The following TRPM3 variants were observed in gnomAD, a reference collection of about 807,000 sequenced individuals.
TRPM3 encodes long transient receptor potential channel 3.
Under a neutral mutation model 181.2 loss-of-function variants are expected in TRPM3, and 77 were observed. That is an observed-to-expected ratio of 0.42 (90% CI 0.35 to 0.51). The LOEUF is 0.51. TRPM3 is among the 20% of genes least tolerant of loss of function. The pLI is 0.01. For synonymous variants in TRPM3, 745 were observed against 796.4 expected (o/e 0.94, Z 1.09); for missense variants, 1,759 against 2,196.7 (o/e 0.80, Z 3.98).
intron 1 of TRPM3, among the ~76,000 whole-genome samples, chr9:70,867,803 C>T (rs1359210041): frequency 6.6e-6 from 1 of 152,012 alleles, no homozygotes; most frequent in Admixed American, 6.6e-5. Context: ...GTGTGAACAT[C>T]ATATATTAGA....
At chr9:71,086,916 G>C (rs1213931762) in intron 1 of TRPM3, among the ~76,000 whole-genome samples, 1 of 151,994 alleles carries the variant, frequency 6.6e-6, no homozygotes, top group Admixed American at 6.6e-5. Flanking sequence ...CACTTCACAT[G>C]CCTTTCTCTA....
intron 1 of TRPM3, among the ~76,000 whole-genome samples, chr9:71,261,026 T>C (rs1170159379): frequency 6.6e-6 from 1 of 152,198 alleles, no homozygotes; most frequent in African/African-American, 2.4e-5. Context: ...GTTCTCTGTA[T>C]TTCCAGAATT....
At chr9:70,909,777 G>T (rs572969163) in intron 1 of TRPM3, among the ~76,000 whole-genome samples, 6 of 152,232 alleles carry the variant, frequency 3.9e-5, no homozygotes, top group African/African-American at 1.2e-4. Context: ...AATTATTTAG[G>T]TCAGTGCAAA....
chr9:71,049,469 A>G (rs2059824039), intron 1 of TRPM3, among the ~76,000 whole-genome samples: 1 of 152,196 alleles, frequency 6.6e-6, no homozygotes. Context: ...CACATTATCC[A>G]TATCTGAAGT....
intron 22 of TRPM3, among the ~76,000 whole-genome samples, chr9:70,582,394 ACTCT>A (rs1009998446): frequency 6.6e-6 from 1 of 152,072 alleles, no homozygotes; most frequent in Non-Finnish European, 1.5e-5. Flanking sequence ...TAACAACATC[ACTCT>A]CTATCCTCTG....
chr9:70,966,021 AAAAC>A (rs199858236), intron 1 of TRPM3, among the ~76,000 whole-genome samples: 3,064 of 151,618 alleles, frequency 0.02, 105 homozygotes, highest in African/African-American at 0.07. Context: ...AGCATCTAAA[AAAAC>A]AAACAAATTT....
Position 70,921,918 on chromosome 9 carries a change from T to TACACACAC in TRPM3, c.178-57415_178-57408dup, listed in dbSNP as rs10651774. On this transcript the variant is annotated intron_variant, in intron 1 of 25. Transcript: ENST00000677713. ...CTTTAAGATGGGTTGGCAGCCACTA[T>TACACACAC]ACACACACACACACACACAAACAAA... Among the ~76,000 whole-genome samples, 327 of 140,210 alleles carry TACACACAC rather than the reference T, an allele frequency of 2.3e-3. 1 individual carries two copies. The highest frequency in any genetic ancestry group is 2.8e-3 in the Non-Finnish European group (182 of 64,832). The allele number at this position is 140,210 out of a possible 152,430, so 92.0% of individuals were successfully genotyped here.
At chr9:70,976,050 A>G (rs1028331934) in intron 1 of TRPM3, among the ~76,000 whole-genome samples, 3 of 152,150 alleles carry the variant, frequency 2.0e-5, no homozygotes, top group Non-Finnish European at 2.9e-5. Context: ...AATCTCATTT[A>G]ATTACATCTA....
chr9:71,095,410 T>C (rs959555182), intron 1 of TRPM3, among the ~76,000 whole-genome samples: 5 of 151,828 alleles, frequency 3.3e-5, no homozygotes, highest in African/African-American at 1.2e-4. Flanking sequence ...GATCTTGCAG[T>C]TTCTTATGAG....
intron 25 of TRPM3, among the ~76,000 whole-genome samples, chr9:70,543,065 G>A (rs2043899393): frequency 6.6e-6 from 1 of 152,100 alleles, no homozygotes; most frequent in Non-Finnish European, 1.5e-5. Context: ...ACGGTGGGAG[G>A]TGGATGAAGC....
At chr9:70,979,682 G>A (rs1157231619) in intron 1 of TRPM3, among the ~76,000 whole-genome samples, 1 of 152,116 alleles carries the variant, frequency 6.6e-6, no homozygotes, top group Non-Finnish European at 1.5e-5. Context: ...CACACAAACT[G>A]TCATAGTCTG....
chr9:70,959,686 G>A (rs528105402), intron 1 of TRPM3, among the ~76,000 whole-genome samples: 4 of 152,124 alleles, frequency 2.6e-5, no homozygotes, highest in Non-Finnish European at 2.9e-5. Context: ...ATCTTTCTTC[G>A]CTACTGAACA....
At chr9:70,786,571 C>T (rs1027446359) in intron 6 of TRPM3, among the ~76,000 whole-genome samples, 1 of 152,142 alleles carries the variant, frequency 6.6e-6, no homozygotes, top group Non-Finnish European at 1.5e-5. Flanking sequence ...AATTTGCTCT[C>T]ATAAAAATAT....
intron 1 of TRPM3, among the ~76,000 whole-genome samples, chr9:71,257,596 T>C (rs1212334659): frequency 5.3e-5 from 8 of 152,192 alleles, no homozygotes; most frequent in Non-Finnish European, 1.2e-4. Context: ...TAAGATATGT[T>C]TTCTTTACAC....
At chr9:70,633,049 T>C (rs1213030508) in intron 12 of TRPM3, among the ~76,000 whole-genome samples, 3 of 152,176 alleles carry the variant, frequency 2.0e-5, no homozygotes, top group African/African-American at 7.2e-5. Flanking sequence ...ACCTTATTGC[T>C]GGGAGGCTGG....
At chr9:71,411,019 A>G (rs1237393220) in intron 1 of TRPM3, among the ~76,000 whole-genome samples, 1 of 152,230 alleles carries the variant, frequency 6.6e-6, no homozygotes, top group Non-Finnish European at 1.5e-5. Context: ...TTATCTCAAT[A>G]GATGTAGAAA....
intron 1 of TRPM3, among the ~76,000 whole-genome samples, chr9:71,017,548 A>G (rs495259): frequency 0.86 from 130,858 of 151,756 alleles, 56,490 homozygotes; most frequent in East Asian, 1. Flanking sequence ...CAAATATGAC[A>G]CAAAGAAAGA....
At chr9:71,192,568 G>C (rs1484903750) in intron 1 of TRPM3, among the ~76,000 whole-genome samples, 2 of 151,794 alleles carry the variant, frequency 1.3e-5, no homozygotes, top group Non-Finnish European at 2.9e-5. Context: ...CTTTGGAAAA[G>C]TAATTATTCA....
In TRPM3 at chr9:71,168,641, A is replaced by AT. The variant is rs201664621; in HGVS notation, c.183+278011dup. 3.4e-3 allele frequency among the ~76,000 whole-genome samples: 294 copies of AT among 86,880 alleles called. 1 individual carries two copies. The highest frequency in any genetic ancestry group is 5.1e-3 in the Non-Finnish European group (205 of 39,956). 57.0% of individuals were successfully genotyped at this position (86,880 alleles called of 152,430 possible). ...TATTATTATTTTTTTATTATTTTTT[A>AT]TTTTTTTTTTTATTATTACTATCCC... is the stretch of plus-strand genomic sequence containing the variant. On this transcript the variant is annotated intron_variant, in intron 1 of 24. Coordinates refer to the TRPM3 transcript ENST00000357533.
Sources: gnomAD v4.1 joint callset for allele counts (sites outside exome capture counted in the v4.1 genomes callset) on GRCh38, gnomAD v4.1.1 for gene constraint, MANE v1.5 for transcripts, NCBI Gene and HGNC (gene_info 2026-07-23, HGNC 2026-07-21) for gene names.